Variants in LDHB observed in about 807,000 individuals in gnomAD.
The protein encoded by LDHB is lactate dehydrogenase B, also known as L-lactate dehydrogenase B chain.
A neutral mutation model predicts 33.4 loss-of-function variants in LDHB; 18 were observed. The observed-to-expected ratio is 0.54, with a 90% confidence interval of 0.37 to 0.80. The LOEUF (loss-of-function observed/expected upper bound fraction) is 0.80, where lower values mean the gene tolerates loss of function less well. Among genes scored for constraint, LDHB ranks in the 30% least tolerant of loss-of-function variants. LDHB has a pLI of 0.00. For synonymous variants in LDHB, 121 were observed against 140.6 expected (o/e 0.86, Z 0.98); for missense variants, 345 against 407.9 (o/e 0.85, Z 1.33).
rs527426868 is a variant in LDHB, at chr12:21,642,370, C to T, written c.422-245G>A. On this transcript the variant is annotated intron_variant, in intron 4 of 7. Transcript: ENST00000350669. Reference sequence around the variant, plus strand: ...TGAAAAATGCAATACTGTGCTTTTACATTTGCATTATTATGTGAAACAAGA... The same window carrying T: ...TGAAAAATGCAATACTGTGCTTTTATATTTGCATTATTATGTGAAACAAGA... Among the ~76,000 whole-genome samples the T allele has an allele frequency of 2.0e-5, 3 of 152,190 alleles. No homozygotes were observed. In the South Asian group the frequency reaches 6.2e-4, roughly 32 times the overall value.
Position 21,643,925 on chromosome 12 carries a change from A to G in LDHB, c.421+10T>C. 6.3e-7 allele frequency: 1 copy of G among 1,585,224 alleles called. No homozygotes were observed. The highest frequency in any genetic ancestry group is 2.2e-5 in the East Asian group (1 of 44,748). Reference sequence around the variant, plus strand: ...TTAACAGAACAGAGACTTAAAGTATACAATAATACCTGGGTTGGAAACCAC... The same window carrying G: ...TTAACAGAACAGAGACTTAAAGTATGCAATAATACCTGGGTTGGAAACCAC... On this transcript the variant is annotated intron_variant, in intron 4 of 7. Transcript: ENST00000350669.
chr12:21,639,021 A>G (rs779020905), intron 5 of LDHB, among the ~76,000 whole-genome samples: 24 of 151,944 alleles, frequency 1.6e-4, no homozygotes, highest in Non-Finnish European at 3.2e-4. Context: ...AACCTAAGTT[A>G]TATGTTTCTT....
In LDHB at chr12:21,655,469, ACT is replaced by A. The variant is rs369612157; in HGVS notation, c.-6-794_-6-793del. ...TTGGAAGATAGGGACTGATTCTTCTACTCTGTCTCACATAAAATGTGTTACAG... is the reference window on the plus strand; with the variant it reads ...TTGGAAGATAGGGACTGATTCTTCTACTGTCTCACATAAAATGTGTTACAG... On this transcript the variant is annotated intron_variant, in intron 1 of 7. Coordinates refer to ENST00000350669, the MANE Select transcript of LDHB (RefSeq NM_002300.8). Among the ~76,000 whole-genome samples, 278 of 152,334 alleles carry A rather than the reference ACT, an allele frequency of 1.8e-3. 1 individual carries two copies. The highest frequency in any genetic ancestry group is 6.5e-3 in the African/African-American group (271 of 41,572).
At position 21,647,513 on chromosome 12, in the gene LDHB, T is replaced by C. The variant is rs1200994831; in HGVS notation, c.130-497A>G. Among the ~76,000 whole-genome samples the C allele has an allele frequency of 3.3e-5, 5 of 152,132 alleles. No individual in the cohort carries two copies. The East Asian group carries it at 5.8e-4, about 18-fold the overall frequency. ...GGTGGGGAAAGGAAGATGAGTTTTA[T>C]GGACAGAGGAATCTAGGATTGGGAG... On this transcript the variant is annotated intron_variant, in intron 2 of 7. Coordinates refer to ENST00000350669, the MANE Select transcript of LDHB (RefSeq NM_002300.8).
chr12:21,644,453 A>ACC (rs1555165064), intron 3 of LDHB, among the ~76,000 whole-genome samples: 4 of 113,160 alleles, frequency 3.5e-5, no homozygotes, highest in Non-Finnish European at 3.6e-5. Context: ...AAACAAAAAC[A>ACC]AAAACCAATT....
chr12:21,638,239 T>G (rs1170479988), intron 6 of LDHB, 114 bp downstream of exon 6: 4 of 718,026 alleles, frequency 5.6e-6, no homozygotes, highest in Non-Finnish European at 1.0e-5. Flanking sequence ...AGATAACAGC[T>G]GCATAATTAC....
intron 1 of LDHB, chr12:21,657,015 CA>C (rs5796920): frequency 0.94 from 143,117 of 151,960 alleles, 67,958 homozygotes; most frequent in East Asian, 1. Context: ...GCGGTGCGCA[CA>C]AACCATCTTT....
intron 3 of LDHB, among the ~76,000 whole-genome samples, chr12:21,644,424 C>CAAAAAAA (rs72491634): frequency 4.6e-4 from 7 of 15,238 alleles, no homozygotes; most frequent in East Asian, 2.6e-3. Context: ...AGGTAGACAT[C>CAAAAAAA]AAAAAAAAAA....
chr12:21,636,021 T>G (rs1447327224), intron 7 of LDHB, among the ~76,000 whole-genome samples: 1 of 152,194 alleles, frequency 6.6e-6, no homozygotes, highest in African/African-American at 2.4e-5. Context: ...ATGTTTTGAA[T>G]TAGGTTTTAT....
chr12:21,637,054 G>T lies in LDHB; in HGVS notation c.837+17C>A. The T allele has an allele frequency of 6.3e-7, 1 of 1,580,774 alleles. No individual in the cohort carries two copies. Among genetic ancestry groups the T allele is most frequent in the Non-Finnish European group, 8.7e-7 (1 of 1,152,174 alleles). On this transcript the variant is annotated intron_variant, in intron 7 of 7. Coordinates refer to ENST00000350669, the MANE Select transcript of LDHB (RefSeq NM_002300.8). ...AATGCGAGAAATCATATTACATTTT[G>T]TGGTAGTTTGTCTTACCTTTACCAT... is the stretch of plus-strand genomic sequence containing the variant.
chr12:21,644,151 T>C (rs1158497148), intron 3 of LDHB, 43 bp from the exon 4 acceptor site: 15 of 1,372,606 alleles, frequency 1.1e-5, no homozygotes, highest in Non-Finnish European at 1.6e-5. Context: ...AATGCAACTC[T>C]TCATTATAAC....
At chr12:21,645,346 A>G (rs992053224) in intron 3 of LDHB, among the ~76,000 whole-genome samples, 1 of 152,010 alleles carries the variant, frequency 6.6e-6, no homozygotes, top group Non-Finnish European at 1.5e-5. Flanking sequence ...TGACTGTGGG[A>G]AGGGAAAGAC....
intron 2 of LDHB, among the ~76,000 whole-genome samples, chr12:21,653,408 C>T (rs1591836069): frequency 6.6e-6 from 1 of 152,260 alleles, no homozygotes; most frequent in African/African-American, 2.4e-5. Context: ...ACAATTTCAT[C>T]CCAAAACTAT....
intron 2 of LDHB, among the ~76,000 whole-genome samples, chr12:21,652,776 C>G (rs186839038): frequency 6.6e-6 from 1 of 152,254 alleles, no homozygotes; most frequent in Admixed American, 6.5e-5. Flanking sequence ...GGATAGGGAG[C>G]TGCTATCCTA....
chr12:21,654,331 T>C (rs2136983942), intron 2 of LDHB: 3 of 566,342 alleles, frequency 5.3e-6, no homozygotes, highest in South Asian at 2.1e-5. Flanking sequence ...TCTCTAAGTG[T>C]AGTAACTATT....
chr12:21,649,594 C>T (rs1331144457), intron 2 of LDHB, among the ~76,000 whole-genome samples: 2 of 152,108 alleles, frequency 1.3e-5, no homozygotes. Flanking sequence ...AAGAATACCA[C>T]TGTTGAAAGC....
intron 3 of LDHB, 67 bp from the exon 4 acceptor site, chr12:21,644,175 C>T: frequency 8.5e-7 from 1 of 1,183,320 alleles, no homozygotes; most frequent in Middle Eastern, 2.0e-4. Context: ...ACCTATATGA[C>T]ATGCTCTAAA....
chr12:21,655,497 T>C (rs1030453), intron 1 of LDHB, among the ~76,000 whole-genome samples: 143,905 of 152,292 alleles, frequency 0.94, 68,497 homozygotes, highest in East Asian at 1. Context: ...TGTGTTACAG[T>C]GTACTGGACA....
At chr12:21,648,449 C>G (rs1402875030) in intron 2 of LDHB, among the ~76,000 whole-genome samples, 1 of 151,878 alleles carries the variant, frequency 6.6e-6, no homozygotes, top group Non-Finnish European at 1.5e-5. Flanking sequence ...AAAAATCTGC[C>G]TGTAAGTGAA....
Sources: gnomAD v4.1 joint callset for allele counts (sites outside exome capture counted in the v4.1 genomes callset) on GRCh38, gnomAD v4.1.1 for gene constraint, MANE v1.5 for transcripts, NCBI Gene and HGNC (gene_info 2026-07-23, HGNC 2026-07-21) for gene names.